Variants in SNTG1 observed in about 807,000 individuals in gnomAD.
SNTG1 encodes syntrophin gamma 1, also known as gamma-1-syntrophin.
A neutral mutation model predicts 74.7 loss-of-function variants in SNTG1; 39 were observed. The ratio of observed to expected loss-of-function variants is 0.52; its 90% CI spans 0.40 to 0.68. SNTG1 has a LOEUF of 0.68. Ranked by LOEUF, SNTG1 falls within the 30% of genes least tolerant of loss-of-function variation. The probability of loss-of-function intolerance (pLI) is 0.00; values close to 1 mark genes in which losing one functional copy is unlikely to be tolerated. For missense variants in SNTG1, 685 were observed against 609.5 expected, an observed-to-expected ratio of 1.12 and a Z score of -1.30; for synonymous variants, 254 against 217.1, an observed-to-expected ratio of 1.17 and a Z score of -1.49.
intron 9 of SNTG1, among the ~76,000 whole-genome samples, chr8:50,515,387 GTTTTTTTTTTT>G (rs34086906): frequency 8.7e-5 from 7 of 80,440 alleles, no homozygotes; most frequent in African/African-American, 1.9e-4. Context: ...AGCTGCAGGA[GTTTTTTTTTTT>G]TTTTTTTTTT....
At chr8:50,055,710 C>T (rs1375322102) in intron 1 of SNTG1, among the ~76,000 whole-genome samples, 1 of 152,084 alleles carries the variant, frequency 6.6e-6, no homozygotes, top group Non-Finnish European at 1.5e-5. Flanking sequence ...TACCTCTCCC[C>T]TCGCCAGTCA....
At chr8:50,053,787 T>G (rs930125800) in intron 1 of SNTG1, among the ~76,000 whole-genome samples, 1 of 151,926 alleles carries the variant, frequency 6.6e-6, no homozygotes, top group African/African-American at 2.4e-5. Context: ...GCCATTTATT[T>G]ATCTACAACA....
chr8:50,585,727 A>T (rs1278380034), intron 12 of SNTG1, among the ~76,000 whole-genome samples: 1 of 152,122 alleles, frequency 6.6e-6, no homozygotes, highest in Admixed American at 6.5e-5. Context: ...AGCAGACACT[A>T]TATTAATCAT....
At chr8:50,402,615 A>T (rs117135035) in intron 4 of SNTG1, among the ~76,000 whole-genome samples, 284 of 152,268 alleles carry the variant, frequency 1.9e-3, no homozygotes, top group Non-Finnish European at 3.5e-3. Flanking sequence ...TTTTCTGATT[A>T]TTCTACCATT....
chr8:49,997,955 A>C (rs1207755677), intron 1 of SNTG1, among the ~76,000 whole-genome samples: 1 of 152,186 alleles, frequency 6.6e-6, no homozygotes, highest in Admixed American at 6.6e-5. Context: ...ATGTGTTGTT[A>C]GGCAATTTTG....
At chr8:50,270,943 G>A (rs746581789) in intron 2 of SNTG1, among the ~76,000 whole-genome samples, 11 of 152,222 alleles carry the variant, frequency 7.2e-5, no homozygotes, top group Admixed American at 2.0e-4. Flanking sequence ...GTTGGAAGAC[G>A]ATAAAAGTTA....
At chr8:50,650,908 C>G (rs2095141155) in intron 13 of SNTG1, among the ~76,000 whole-genome samples, 1 of 152,046 alleles carries the variant, frequency 6.6e-6, no homozygotes, top group Non-Finnish European at 1.5e-5. Flanking sequence ...ACCATGTGGG[C>G]CAGGCTGGTC....
At chr8:50,542,771 C>T (rs1470003337) in intron 11 of SNTG1, among the ~76,000 whole-genome samples, 2 of 152,062 alleles carry the variant, frequency 1.3e-5, no homozygotes, top group African/African-American at 4.8e-5. Flanking sequence ...GCCTGTCTTT[C>T]ATATATAAGC....
intron 17 of SNTG1, among the ~76,000 whole-genome samples, chr8:50,727,629 G>GCTAT (rs1408965608): frequency 1.3e-5 from 2 of 152,252 alleles, no homozygotes; most frequent in African/African-American, 2.4e-5. Context: ...AGCCCCTGCT[G>GCTAT]CTATGGCTGT....
intron 2 of SNTG1, among the ~76,000 whole-genome samples, chr8:50,371,666 T>G (rs2092271866): frequency 6.6e-6 from 1 of 152,246 alleles, no homozygotes; most frequent in African/African-American, 2.4e-5. Flanking sequence ...TAATATCTAT[T>G]TCTAACATAA....
In SNTG1 at chr8:50,441,631, T is replaced by C. The variant is rs1156800678; in HGVS notation, c.219+3032T>C. 2.6e-5 allele frequency among the ~76,000 whole-genome samples: 4 copies of C among 152,314 alleles called. No homozygotes were observed. In the East Asian group the frequency reaches 5.8e-4, roughly 22 times the overall value. On this transcript the variant is annotated intron_variant, in intron 5 of 18. Transcript: ENST00000642720. ...TTAAGTAAGTCCGAATCCTTTTTCT[T>C]TTCAAATTTTGTCTAGTTTTCTTTC...
rs140845226 is a variant in SNTG1, at chr8:50,541,328, T to A, written c.680+4520T>A. On this transcript the variant is annotated intron_variant, in intron 11 of 18. Transcript: ENST00000642720. ...CACATATGCATGTTCCTGCATCCAC[T>A]AACGCAGTCAAGTTTTGTATGAACA... 6.6e-5 allele frequency among the ~76,000 whole-genome samples: 10 copies of A among 151,820 alleles called. No individual in the cohort carries two copies. In the East Asian group the frequency reaches 1.9e-3, roughly 30 times the overall value.
intron 14 of SNTG1, among the ~76,000 whole-genome samples, chr8:50,657,587 A>G (rs907958581): frequency 6.6e-6 from 1 of 152,152 alleles, no homozygotes; most frequent in African/African-American, 2.4e-5. Flanking sequence ...TATTAAGTCT[A>G]TCTCACCCTA....
chr8:50,054,612 C>A (rs758819332), intron 1 of SNTG1, among the ~76,000 whole-genome samples: 7 of 152,058 alleles, frequency 4.6e-5, no homozygotes, highest in Non-Finnish European at 8.8e-5. Context: ...GTAAGGTATA[C>A]AATTTTTAAC....
intron 17 of SNTG1, among the ~76,000 whole-genome samples, chr8:50,741,442 TAA>T (rs1429519677): frequency 1.3e-5 from 2 of 152,008 alleles, no homozygotes; most frequent in Non-Finnish European, 2.9e-5. Context: ...GAACTTAAAA[TAA>T]AAGTTAAATG....
intron 8 of SNTG1, among the ~76,000 whole-genome samples, chr8:50,476,847 G>GACACACACAC (rs1459314509): frequency 9.8e-5 from 4 of 40,838 alleles, no homozygotes; most frequent in African/African-American, 1.9e-4. Context: ...ATGAGCCTGT[G>GACACACACAC]ACACACACAG....
Position 50,711,424 on chromosome 8 carries a change from C to T in SNTG1, c.1284+2446C>T, listed in dbSNP as rs557707642. On this transcript the variant is annotated intron_variant, in intron 17 of 18. Transcript: ENST00000642720. ...CTTTGAAGTTACTACAGAAGCAAAC[C>T]AAAGGTCTTGAAATAAAGAAGAGAT... 3.0e-4 allele frequency among the ~76,000 whole-genome samples: 46 copies of T among 152,122 alleles called. 1 individual carries two copies. In the South Asian group the frequency reaches 9.1e-3, roughly 30 times the overall value.
intron 11 of SNTG1, among the ~76,000 whole-genome samples, chr8:50,551,270 T>C (rs943139446): frequency 4.6e-5 from 7 of 152,138 alleles, no homozygotes; most frequent in African/African-American, 1.7e-4. Flanking sequence ...TTTCCATATT[T>C]GAAAAGTTGA....
intron 1 of SNTG1, among the ~76,000 whole-genome samples, chr8:50,115,540 C>T (rs203620): frequency 0.51 from 70,971 of 137,854 alleles, 21,101 homozygotes; most frequent in East Asian, 0.84. Context: ...TGCACTCCAG[C>T]CTGGGTGACA....
Sources: gnomAD v4.1 joint callset for allele counts (sites outside exome capture counted in the v4.1 genomes callset) on GRCh38, gnomAD v4.1.1 for gene constraint, MANE v1.5 for transcripts, NCBI Gene and HGNC (gene_info 2026-07-23, HGNC 2026-07-21) for gene names.